Variants in DAB1 observed in about 807,000 individuals in gnomAD.
The protein encoded by DAB1 is disabled homolog 1.
In DAB1, 15 loss-of-function variants were observed where a neutral mutation model predicts 64.6. The ratio of observed to expected loss-of-function variants is 0.23; its 90% CI spans 0.16 to 0.36. DAB1 has a LOEUF of 0.36. Among genes scored for constraint, DAB1 ranks in the 10% least tolerant of loss-of-function variants. DAB1 has a pLI of 1.00. For missense variants in DAB1, 596 were observed against 706.7 expected (o/e 0.84, Z 1.78); for synonymous variants, 235 against 251.9 (o/e 0.93, Z 0.64).
chr1:57,864,496 T>A (rs1201713197), intron 1 of DAB1: 1 of 152,004 alleles, frequency 6.6e-6, no homozygotes, highest in Non-Finnish European at 1.5e-5. Flanking sequence ...GAGACTCAAA[T>A]CTATCAGAAC....
intron 3 of DAB1, among the ~76,000 whole-genome samples, chr1:57,141,289 C>T (rs952815522): frequency 2.0e-5 from 3 of 152,170 alleles, no homozygotes; most frequent in East Asian, 3.9e-4. Flanking sequence ...CCTGAGCCTC[C>T]TTCTCCATGG....
intron 7 of DAB1, among the ~76,000 whole-genome samples, chr1:57,587,509 G>C (rs1027563185): frequency 6.6e-6 from 1 of 152,038 alleles, no homozygotes; most frequent in African/African-American, 2.4e-5. Context: ...GTTAATAAAG[G>C]GCAGAGTTAA....
chr1:58,416,276 T>C (rs1306275621), intron 3 of DAB1, among the ~76,000 whole-genome samples: 1 of 152,226 alleles, frequency 6.6e-6, no homozygotes, highest in Non-Finnish European at 1.5e-5. Context: ...GTTCAAGCTC[T>C]GAACCTATCC....
intron 2 of DAB1, among the ~76,000 whole-genome samples, chr1:57,281,945 G>C (rs1254944264): frequency 2.0e-5 from 3 of 151,978 alleles, no homozygotes; most frequent in Non-Finnish European, 2.9e-5. Context: ...ACTTTGGGAG[G>C]CTGAGGCAGG....
intron 5 of DAB1, among the ~76,000 whole-genome samples, chr1:57,941,640 T>G (rs972045759): frequency 1.3e-5 from 2 of 152,126 alleles, no homozygotes; most frequent in Non-Finnish European, 2.9e-5. Flanking sequence ...ATCGAGACCA[T>G]CCTGGCTAAC....
intron 5 of DAB1, among the ~76,000 whole-genome samples, chr1:58,139,045 T>G (rs1408607114): frequency 6.6e-6 from 1 of 152,126 alleles, no homozygotes; most frequent in East Asian, 1.9e-4. Context: ...GGTGTGTAAT[T>G]TGGGGCTTTT....
intron 4 of DAB1, among the ~76,000 whole-genome samples, chr1:58,163,708 C>G (rs1467974487): frequency 1.3e-5 from 2 of 152,016 alleles, no homozygotes; most frequent in Non-Finnish European, 2.9e-5. Flanking sequence ...TGGGAGATGC[C>G]CATGCTCAAG....
intron 4 of DAB1, among the ~76,000 whole-genome samples, chr1:58,289,953 C>T (rs1376961302): frequency 6.6e-6 from 1 of 152,176 alleles, no homozygotes; most frequent in East Asian, 1.9e-4. Context: ...AGCTTTCCAA[C>T]AAGCTGGAGA....
chr1:57,783,509 G>A (rs535138753), intron 6 of DAB1, among the ~76,000 whole-genome samples: 2 of 152,120 alleles, frequency 1.3e-5, no homozygotes, highest in Non-Finnish European at 2.9e-5. Flanking sequence ...TCATTGTCCA[G>A]TAGGTATTTT....
intron 2 of DAB1, among the ~76,000 whole-genome samples, chr1:57,168,961 C>A (rs1172270426): frequency 3.3e-5 from 5 of 152,116 alleles, no homozygotes; most frequent in African/African-American, 1.2e-4. Flanking sequence ...GAGGCTGAGG[C>A]AGGAGGATCA....
chr1:57,157,816 T>A (rs141302089), intron 2 of DAB1, among the ~76,000 whole-genome samples: 3 of 152,172 alleles, frequency 2.0e-5, no homozygotes, highest in Admixed American at 1.3e-4. Context: ...AAAAGCTGAA[T>A]GCTACCTGAG....
intron 5 of DAB1, among the ~76,000 whole-genome samples, chr1:58,120,677 C>T (rs1359950873): frequency 2.0e-5 from 3 of 152,088 alleles, no homozygotes; most frequent in Non-Finnish European, 4.4e-5. Context: ...CTTTAGCTGC[C>T]TAATAATTCC....
rs542899235 is a variant in DAB1, at chr1:57,623,782, C to A, written n.625+25810G>T. On this transcript the variant is annotated intron_variant and non_coding_transcript_variant, in intron 7 of 20. Coordinates refer to the DAB1 transcript ENST00000485760. ...AGCCCCCTGCATTCTCCAGTTCCAG[C>A]TTGGTCCTGAGATGATTGTCTTCTT... Among the ~76,000 whole-genome samples the A allele has an allele frequency of 8.5e-5, 13 of 152,264 alleles. 1 individual carries two copies. The highest frequency in any genetic ancestry group is 3.1e-4 in the African/African-American group (13 of 41,552).
At chr1:57,960,680 C>T (rs1292347257) in intron 5 of DAB1, among the ~76,000 whole-genome samples, 4 of 152,186 alleles carry the variant, frequency 2.6e-5, no homozygotes, top group African/African-American at 9.6e-5. Flanking sequence ...AAGAGATCTT[C>T]GGAGGCTGAA....
chr1:57,629,566 C>T (rs1043264136), intron 7 of DAB1, among the ~76,000 whole-genome samples: 4 of 152,116 alleles, frequency 2.6e-5, no homozygotes, highest in Non-Finnish European at 5.9e-5. Context: ...CATTCAACCA[C>T]TTTGAATTGT....
At chr1:58,294,115 A>T (rs1661913364) in intron 4 of DAB1, among the ~76,000 whole-genome samples, 1 of 152,168 alleles carries the variant, frequency 6.6e-6, no homozygotes. Context: ...TAAACCTAGT[A>T]GACTCAAGCA....
At chr1:58,488,642 G>C (rs1466721821) in intron 3 of DAB1, among the ~76,000 whole-genome samples, 1 of 152,154 alleles carries the variant, frequency 6.6e-6, no homozygotes, top group Non-Finnish European at 1.5e-5. Context: ...AGTAGAGACA[G>C]GGTTTCTCCA....
intron 7 of DAB1, among the ~76,000 whole-genome samples, chr1:57,501,377 C>T (rs1644287687): frequency 6.6e-6 from 1 of 152,148 alleles, no homozygotes; most frequent in African/African-American, 2.4e-5. Context: ...AGCTGAGCCT[C>T]CAGCTGAAAG....
chr1:57,132,313 G>C (rs1260055002), intron 4 of DAB1, among the ~76,000 whole-genome samples: 2 of 152,158 alleles, frequency 1.3e-5, no homozygotes, highest in African/African-American at 4.8e-5. Context: ...TAGGAGGTGA[G>C]AGTATCCCAG....
Sources: gnomAD v4.1 joint callset for allele counts (sites outside exome capture counted in the v4.1 genomes callset) on GRCh38, gnomAD v4.1.1 for gene constraint, MANE v1.5 for transcripts, NCBI Gene and HGNC (gene_info 2026-07-23, HGNC 2026-07-21) for gene names.